The following ETNK1 variants were observed in gnomAD, a reference collection of about 807,000 sequenced individuals.
ETNK1 encodes ethanolamine kinase 1.
A neutral mutation model predicts 45.1 loss-of-function variants in ETNK1; 8 were observed. The ratio of observed to expected loss-of-function variants is 0.18; its 90% CI spans 0.10 to 0.32. ETNK1 has a LOEUF of 0.32. ETNK1 is among the 10% of genes least tolerant of loss of function. ETNK1 has a pLI of 1.00. For missense variants in ETNK1, 302 were observed against 430.6 expected (o/e 0.70, Z 2.64); for synonymous variants, 152 against 151.9 (o/e 1.00, Z -0.01).
chr12:22,674,612 TAG>T (rs1954142699), intron 6 of ETNK1, among the ~76,000 whole-genome samples: 2 of 152,230 alleles, frequency 1.3e-5, no homozygotes, highest in East Asian at 3.8e-4. Context: ...AGCATGATCT[TAG>T]AGAATGTAGG....
At chr12:22,643,685 A>G in intron 1 of ETNK1, 78 bp from the exon 2 acceptor site, 1 of 1,258,650 alleles carries the variant, frequency 7.9e-7, no homozygotes. Flanking sequence ...TATTTAACTC[A>G]TGATTTTCAA....
At chr12:22,656,798 A>C in intron 2 of ETNK1, 1 of 982,572 alleles carries the variant, frequency 1.0e-6, no homozygotes, top group Non-Finnish European at 1.2e-6. Flanking sequence ...AAACCACAGC[A>C]AATAAAATCT....
intron 3 of ETNK1, among the ~76,000 whole-genome samples, chr12:22,660,003 G>A (rs1187121085): frequency 3.1e-5 from 4 of 128,256 alleles, no homozygotes; most frequent in Admixed American, 8.4e-5. Context: ...ATAATCCTTC[G>A]AATCCCACAA....
At chr12:22,659,765 A>G (rs1288298445) in intron 3 of ETNK1, among the ~76,000 whole-genome samples, 4 of 152,116 alleles carry the variant, frequency 2.6e-5, no homozygotes, top group South Asian at 4.1e-4. Context: ...TTGTTATTCA[A>G]AGAAGGTTAT....
intron 1 of ETNK1, among the ~76,000 whole-genome samples, chr12:22,641,790 CAT>C (rs1953741068): frequency 1.3e-5 from 2 of 152,084 alleles, no homozygotes; most frequent in African/African-American, 4.8e-5. Flanking sequence ...ATATTATTCA[CAT>C]ATCTTTTTAT....
At chr12:22,639,340 G>A (rs1953699645) in intron 1 of ETNK1, among the ~76,000 whole-genome samples, 1 of 152,022 alleles carries the variant, frequency 6.6e-6, no homozygotes, top group African/African-American at 2.4e-5. Flanking sequence ...AGCCACCATG[G>A]CCAGCCATGT....
intron 6 of ETNK1, among the ~76,000 whole-genome samples, chr12:22,679,695 G>GTTTTTTTTT (rs1302699694): frequency 7.3e-6 from 1 of 137,180 alleles, no homozygotes; most frequent in African/African-American, 2.7e-5. Flanking sequence ...TTTGTTCTTG[G>GTTTTTTTTT]TTTTTTGTTT....
At position 22,688,579 on chromosome 12, in the gene ETNK1, A is replaced by G. The variant is rs1298354726; in HGVS notation, c.*3625A>G. ...TTTTCTGCTTTAAATTGTTTTTAAT[A>G]AGCATTCCAAAGTGATACAGACTTA... On this transcript the variant is annotated 3_prime_UTR_variant, in exon 8 of 8. Transcript: ENST00000266517. 6.6e-6 allele frequency: 1 copy of G among 152,320 alleles called. No homozygotes were observed. Among genetic ancestry groups the G allele is most frequent in the East Asian group, 1.9e-4 (1 of 5,186 alleles). 9.4% of individuals were successfully genotyped at this position (152,320 alleles called of 1,614,324 possible).
intron 1 of ETNK1, among the ~76,000 whole-genome samples, chr12:22,635,349 G>T (rs17426308): frequency 0.089 from 13,570 of 152,228 alleles, 853 homozygotes; most frequent in Admixed American, 0.18. Flanking sequence ...TAGACCAGTT[G>T]TTGGCATCAG....
At chr12:22,682,850 C>T (rs562614611) in intron 6 of ETNK1, among the ~76,000 whole-genome samples, 6 of 152,110 alleles carry the variant, frequency 3.9e-5, no homozygotes, top group East Asian at 1.9e-4. Context: ...TTTGGGCCTC[C>T]GAAAACTCCC....
chr12:22,627,744 A>G (rs1488751669), intron 1 of ETNK1, among the ~76,000 whole-genome samples: 1 of 152,086 alleles, frequency 6.6e-6, no homozygotes, highest in Non-Finnish European at 1.5e-5. Flanking sequence ...TCAGTAATGT[A>G]GCCTGTTTTT....
chr12:22,649,413 T>C (rs1953846468), intron 2 of ETNK1, among the ~76,000 whole-genome samples: 1 of 152,112 alleles, frequency 6.6e-6, no homozygotes, highest in Non-Finnish European at 1.5e-5. Flanking sequence ...GGTCTATGTC[T>C]AGATTCATGT....
At position 22,661,212 on chromosome 12, in the gene ETNK1, A is replaced by G. The variant is rs1953996058; in HGVS notation, c.700+7A>G. 1.3e-6 allele frequency: 2 copies of G among 1,595,072 alleles called. No homozygotes were observed. The highest frequency in any genetic ancestry group is 1.7e-6 in the Non-Finnish European group (2 of 1,175,240). On this transcript the variant is annotated splice_region_variant and intron_variant, in intron 4 of 7. Coordinates refer to ENST00000266517, the MANE Select transcript of ETNK1 (RefSeq NM_018638.5). The stretch of plus-strand genomic sequence containing the variant: ...ATCTACAATGAGAAACAAGGTAGGT[A>G]TTTGACCTTAGCAGTAAGTAAAATT...
intron 1 of ETNK1, among the ~76,000 whole-genome samples, chr12:22,640,518 T>C (rs530458918): frequency 3.2e-4 from 48 of 152,260 alleles, no homozygotes; most frequent in African/African-American, 1.1e-3. Context: ...AAATATTGTT[T>C]TAACATATAT....
intron 1 of ETNK1, among the ~76,000 whole-genome samples, chr12:22,640,319 T>C (rs1953718840): frequency 6.6e-6 from 1 of 151,846 alleles, no homozygotes; most frequent in Non-Finnish European, 1.5e-5. Flanking sequence ...TAATTCGTCA[T>C]GCAAAACCAA....
In ETNK1 at chr12:22,631,470, C is replaced by T. The variant is rs543751621; in HGVS notation, c.156+5884C>T. The stretch of plus-strand genomic sequence containing the variant: ...GATTACAGGTGTGAGCCACTGCGCC[C>T]GGTGGTAAGTATTCTTTTGTGAAGT... On this transcript the variant is annotated intron_variant, in intron 1 of 7. Transcript: ENST00000266517. Among the ~76,000 whole-genome samples, 15 of 152,146 alleles carry T rather than the reference C, an allele frequency of 9.9e-5. No individual in the cohort carries two copies. The East Asian group carries it at 1.7e-3, about 18-fold the overall frequency.
At position 22,685,125 on chromosome 12, in the gene ETNK1, C is replaced by A; in HGVS notation, c.*171C>A. On this transcript the variant is annotated 3_prime_UTR_variant, in exon 8 of 8. Transcript: ENST00000266517. ...ATTTTTGAAATAGACTGAATGATGT[C>A]AAGAAATATACCTACTGCTATCCGT... 1 of 528,010 alleles carries A rather than the reference C, an allele frequency of 1.9e-6. No homozygotes were observed. The highest frequency in any genetic ancestry group is 2.8e-5 in the South Asian group (1 of 35,306). 32.7% of individuals were successfully genotyped at this position (528,010 alleles called of 1,614,324 possible).
chr12:22,673,802 T>C (rs1592135474), intron 6 of ETNK1, 142 bp downstream of exon 6: 2 of 825,078 alleles, frequency 2.4e-6, no homozygotes, highest in Non-Finnish European at 3.7e-6. Flanking sequence ...CCATTTACAG[T>C]ATGCATTACC....
Position 22,668,191 on chromosome 12 carries a change from AGTT to A in ETNK1, c.701-3078_701-3076del, listed in dbSNP as rs1413158823. 3.9e-5 allele frequency among the ~76,000 whole-genome samples: 6 copies of A among 152,318 alleles called. No individual in the cohort carries two copies. The South Asian group carries it at 1.0e-3, about 26-fold the overall frequency. Reference sequence around the variant, plus strand: ...CACATAAAATTTTAGGGAATATTCTAGTTGTCTTTTCATCCTTGAAACCCCAAT... The same window carrying A: ...CACATAAAATTTTAGGGAATATTCTAGTCTTTTCATCCTTGAAACCCCAAT... On this transcript the variant is annotated intron_variant, in intron 4 of 7. Coordinates refer to ENST00000266517, the MANE Select transcript of ETNK1 (RefSeq NM_018638.5).
Sources: allele counts gnomAD v4.1 joint callset (sites outside exome capture counted in the v4.1 genomes callset), GRCh38; gene constraint gnomAD v4.1.1; transcripts MANE v1.5; gene names NCBI Gene and HGNC (gene_info 2026-07-23, HGNC 2026-07-21).